RBFOX1: variants seen among roughly 807,000 people sequenced by gnomAD.
RBFOX1 encodes the protein RNA binding fox-1 homolog 1, also known as RNA binding protein fox-1 homolog 1.
Under a neutral mutation model 57.7 loss-of-function variants are expected in RBFOX1, and 8 were observed. That is an observed-to-expected ratio of 0.14 (90% CI 0.08 to 0.25). The LOEUF (loss-of-function observed/expected upper bound fraction) is 0.25, where lower values mean the gene tolerates loss of function less well. RBFOX1 is among the 10% of genes least tolerant of loss of function. The pLI, the probability that RBFOX1 is intolerant of heterozygous loss-of-function variation, is 1.00. For synonymous variants in RBFOX1, 326 were observed against 222.4 expected, an observed-to-expected ratio of 1.47 and a Z score of -4.15; for missense variants, 611 against 548.5, an observed-to-expected ratio of 1.11 and a Z score of -1.14.
In RBFOX1 at chr16:6,768,659, T is replaced by C. The variant is rs558936980; in HGVS notation, c.-16+114009T>C. 5.9e-5 allele frequency among the ~76,000 whole-genome samples: 9 copies of C among 151,406 alleles called. No homozygotes were observed. The South Asian group carries it at 1.7e-3, about 28-fold the overall frequency. On this transcript the variant is annotated intron_variant, in intron 3 of 15. Transcript: ENST00000550418. ...ACCTGTATATATTCATTAGTATGCG[T>C]ATGTACAGGCATATATATGTAAAAT...
At chr16:6,790,545 C>G (rs2082746447) in intron 3 of RBFOX1, among the ~76,000 whole-genome samples, 1 of 152,102 alleles carries the variant, frequency 6.6e-6, no homozygotes, top group African/African-American at 2.4e-5. Context: ...TTCTCCTTTC[C>G]TATTTAGCCT....
At chr16:7,695,200 A>C (rs569105094) in intron 14 of RBFOX1, among the ~76,000 whole-genome samples, 2 of 152,206 alleles carry the variant, frequency 1.3e-5, no homozygotes, top group Non-Finnish European at 2.9e-5. Flanking sequence ...TGCATGCTTC[A>C]TAAGGTTCCG....
intron 2 of RBFOX1, among the ~76,000 whole-genome samples, chr16:6,578,598 C>CGTGTGTGTGTGTGTGTAT (rs57470848): frequency 1.7e-4 from 19 of 110,748 alleles, no homozygotes; most frequent in African/African-American, 5.2e-4. Flanking sequence ...GGTGTGTGTG[C>CGTGTGTGTGTGTGTGTAT]GTGTGTGTGT....
intron 1 of RBFOX1, among the ~76,000 whole-genome samples, chr16:6,286,968 G>C (rs1599205709): frequency 6.6e-6 from 1 of 152,090 alleles, no homozygotes; most frequent in African/African-American, 2.4e-5. Context: ...ATATTTAAAG[G>C]AATCAATCAA....
intron 3 of RBFOX1, among the ~76,000 whole-genome samples, chr16:6,953,452 C>G (rs1223565760): frequency 2.0e-5 from 3 of 151,948 alleles, no homozygotes; most frequent in Admixed American, 6.5e-5. Flanking sequence ...GTGGTGCAGT[C>G]TCAGCTCACC....
At chr16:5,414,802 G>T (rs183299470) in intron 1 of RBFOX1, among the ~76,000 whole-genome samples, 1 of 152,270 alleles carries the variant, frequency 6.6e-6, no homozygotes, top group African/African-American at 2.4e-5. Flanking sequence ...GTGACATATA[G>T]AGTTGGGGGT....
chr16:6,962,671 C>T (rs976324884), intron 3 of RBFOX1, among the ~76,000 whole-genome samples: 1 of 152,024 alleles, frequency 6.6e-6, no homozygotes, highest in African/African-American at 2.4e-5. Context: ...TCAAGACCAG[C>T]CTGAGCAACA....
intron 1 of RBFOX1, among the ~76,000 whole-genome samples, chr16:6,191,763 T>C (rs563687994): frequency 7.1e-4 from 108 of 152,276 alleles, no homozygotes; most frequent in African/African-American, 2.5e-3. Flanking sequence ...TGTTTATGAC[T>C]TACCGAAAAT....
At chr16:5,768,447 C>G (rs536485956) in intron 3 of RBFOX1, among the ~76,000 whole-genome samples, 6 of 152,280 alleles carry the variant, frequency 3.9e-5, no homozygotes, top group African/African-American at 1.4e-4. Context: ...ACTTGTTTCC[C>G]CACCTTCCAC....
chr16:6,894,489 T>C (rs1406476510), intron 3 of RBFOX1, among the ~76,000 whole-genome samples: 2 of 152,306 alleles, frequency 1.3e-5, no homozygotes, highest in Admixed American at 6.5e-5. Context: ...CCTGGGAATC[T>C]GTCTCATGTT....
chr16:6,790,284 C>T (rs2082698443), intron 3 of RBFOX1, among the ~76,000 whole-genome samples: 1 of 151,506 alleles, frequency 6.6e-6, no homozygotes, highest in Non-Finnish European at 1.5e-5. Flanking sequence ...TCCAGGGTTC[C>T]AGCCATTCTC....
At chr16:5,445,114 G>T (rs895566991) in intron 1 of RBFOX1, among the ~76,000 whole-genome samples, 7 of 152,140 alleles carry the variant, frequency 4.6e-5, no homozygotes, top group Non-Finnish European at 1.0e-4. Context: ...ATGTGGGAGG[G>T]GATCTGGATG....
intron 5 of RBFOX1, among the ~76,000 whole-genome samples, chr16:7,576,781 C>A (rs1602293077): frequency 6.6e-6 from 1 of 152,200 alleles, no homozygotes; most frequent in Admixed American, 6.5e-5. Flanking sequence ...CAGTTATACA[C>A]AAATCCAAAT....
At chr16:5,970,328 T>C (rs2059937657) in intron 4 of RBFOX1, among the ~76,000 whole-genome samples, 1 of 152,156 alleles carries the variant, frequency 6.6e-6, no homozygotes, top group Non-Finnish European at 1.5e-5. Context: ...ATGGCCATCA[T>C]TCTTCCAGAA....
chr16:7,089,450 GA>G (rs1221428233), intron 4 of RBFOX1, among the ~76,000 whole-genome samples: 2 of 151,952 alleles, frequency 1.3e-5, no homozygotes, highest in African/African-American at 4.8e-5. Context: ...AATAATTAAG[GA>G]AAAAACTATA....
At chr16:6,772,241 A>G (rs1211429123) in intron 3 of RBFOX1, among the ~76,000 whole-genome samples, 2 of 152,084 alleles carry the variant, frequency 1.3e-5, no homozygotes, top group Admixed American at 6.6e-5. Flanking sequence ...TTTTAATATC[A>G]TATTTTATAT....
chr16:6,403,906 A>T (rs992139783), intron 2 of RBFOX1, among the ~76,000 whole-genome samples: 1 of 152,196 alleles, frequency 6.6e-6, no homozygotes, highest in Non-Finnish European at 1.5e-5. Flanking sequence ...GACTGGTGGC[A>T]TTATAAGAAG....
intron 4 of RBFOX1, among the ~76,000 whole-genome samples, chr16:7,204,319 C>A (rs536472070): frequency 6.6e-6 from 1 of 152,168 alleles, no homozygotes; most frequent in Non-Finnish European, 1.5e-5. Context: ...GACAGGATTG[C>A]AAACACTTTA....
intron 3 of RBFOX1, among the ~76,000 whole-genome samples, chr16:7,034,341 C>T (rs1482140066): frequency 2.0e-5 from 3 of 152,094 alleles, no homozygotes; most frequent in East Asian, 1.9e-4. Context: ...TAGATCATGC[C>T]TGGTAATGAC....
Sources: gnomAD v4.1 joint callset for allele counts (sites outside exome capture counted in the v4.1 genomes callset) on GRCh38, gnomAD v4.1.1 for gene constraint, MANE v1.5 for transcripts, NCBI Gene and HGNC (gene_info 2026-07-23, HGNC 2026-07-21) for gene names.